USP6: variants seen among roughly 807,000 people sequenced by gnomAD.
USP6 encodes the protein ubiquitin specific peptidase 6.
Under a neutral mutation model 175.7 loss-of-function variants are expected in USP6, and 128 were observed. That is an observed-to-expected ratio of 0.73 (90% CI 0.63 to 0.84). USP6 has a LOEUF of 0.84. Ranked by LOEUF, USP6 falls within the 40% of genes least tolerant of loss-of-function variation. The pLI, the probability that USP6 is intolerant of heterozygous loss-of-function variation, is 0.00. For synonymous variants in USP6, 562 were observed against 630.6 expected (o/e 0.89, Z 1.63); for missense variants, 1,498 against 1,760.3 (o/e 0.85, Z 2.67).
At chr17:5,133,078 T>G (rs558273240) in intron 13 of USP6, 88 bp downstream of exon 13, 1 of 1,478,472 alleles carries the variant, frequency 6.8e-7, no homozygotes, top group East Asian at 2.3e-5. Flanking sequence ...ACCGTCAGCC[T>G]CTCAGAGGGC....
chr17:5,137,934 C>T (rs1221851581), intron 20 of USP6, among the ~76,000 whole-genome samples, 184 bp downstream of exon 20: 1 of 152,090 alleles, frequency 6.6e-6, no homozygotes, highest in Non-Finnish European at 1.5e-5. Context: ...AGATGAAAGT[C>T]GAGAGTGTGG....
chr17:5,120,244 T>G (rs1295431830), intron 2 of USP6, among the ~76,000 whole-genome samples: 2 of 152,016 alleles, frequency 1.3e-5, no homozygotes, highest in Non-Finnish European at 2.9e-5. Context: ...GGTTGCTCTC[T>G]GCATGCCTGT....
chr17:5,146,199 T>G (rs750362139), intron 28 of USP6, 25 bp downstream of exon 28: 40 of 1,569,606 alleles, frequency 2.5e-5, no homozygotes, highest in Non-Finnish European at 3.4e-5. Flanking sequence ...TCTAAGAAAC[T>G]TTTGATTCTA....
intron 29 of USP6, among the ~76,000 whole-genome samples, chr17:5,148,283 G>A (rs2073667008): frequency 6.6e-6 from 1 of 152,184 alleles, no homozygotes; most frequent in Non-Finnish European, 1.5e-5. Flanking sequence ...CTGTTTGTGT[G>A]CTACAACATG....
chr17:5,171,871 T>C (rs1567817903), intron 37 of USP6, among the ~76,000 whole-genome samples, 192 bp downstream of exon 37: 1 of 152,054 alleles, frequency 6.6e-6, no homozygotes, highest in African/African-American at 2.4e-5. Flanking sequence ...TGAGGAAAAA[T>C]AAAGAGTTAG....
chr17:5,162,293 A>T (rs987883669), intron 32 of USP6, among the ~76,000 whole-genome samples: 2 of 151,994 alleles, frequency 1.3e-5, no homozygotes, highest in African/African-American at 4.8e-5. Flanking sequence ...CTGGGACTAC[A>T]GTTGCACACC....
Position 5,139,356 on chromosome 17 carries a change from G to C in USP6, c.1180G>C (p.Ala394Pro), listed in dbSNP as rs748046153. The C allele has an allele frequency of 3.1e-6, 5 of 1,612,948 alleles. 1 individual carries two copies. The South Asian group carries it at 3.3e-5, about 11-fold the overall frequency. ...TAGGCAGGCCCCTCCAGGCCCACCA[G>C]CCCAGTTCCAGCGGCCCATTTGCTC... Reference protein sequence around the residue: ...GYRQAPPGPPAQFQRPICSAS... With the variant: ...GYRQAPPGPPPQFQRPICSAS... The change falls in exon 22 of 38, where the codon GCC becomes CCC. Residue 394 changes from alanine to proline, a missense_variant. Transcript: ENST00000574788.
chr17:5,135,849 G>T lies in USP6; in HGVS notation c.585G>T (p.Leu195Phe). 6.3e-7 allele frequency: 1 copy of T among 1,599,298 alleles called. No homozygotes were observed. The highest frequency in any genetic ancestry group is 1.3e-5 in the African/African-American group (1 of 74,970). Residue 195 changes from leucine (L) to phenylalanine (F), a missense_variant, in exon 17 of 38, where the codon TTG becomes TTT. This residue lies in a region of USP6 where 281 missense variants were observed against 259.6 expected (regional missense o/e 1.08). Transcript: ENST00000574788. ...GGGACCTGAGCCACATCACCGCCTT[G>T]TTCCTCCTTTATCTGCCTGAGGAGG... ...YCRDLSHITA[L>F]FLLYLPEEDA... is the part of the protein sequence containing the mutation.
chr17:5,119,794 CAGCTG>C (rs1262798152), intron 2 of USP6, among the ~76,000 whole-genome samples: 1 of 152,192 alleles, frequency 6.6e-6, no homozygotes, highest in African/African-American at 2.4e-5. Flanking sequence ...GCCATCATCT[CAGCTG>C]ATAAACAGCT....
intron 25 of USP6, among the ~76,000 whole-genome samples, chr17:5,143,305 A>G (rs1410579827): frequency 6.6e-6 from 1 of 152,252 alleles, no homozygotes; most frequent in Non-Finnish European, 1.5e-5. Flanking sequence ...GGTTTTGTGG[A>G]ATAGAAAAGG....
Position 5,129,055 on chromosome 17 carries a change from C to T in USP6, c.-234C>T, listed in dbSNP as rs2072979675. 6.6e-6 allele frequency: 1 copy of T among 152,534 alleles called. No homozygotes were observed. The highest frequency in any genetic ancestry group is 1.5e-5 in the Non-Finnish European group (1 of 68,060). The allele number at this position is 152,534 out of a possible 1,614,324, so 9.4% of individuals were successfully genotyped here. ...TCACCGGGCGCCCGTTCTACACTGCCCATGTAGACGATTTTCTCTTTCGTC... is the reference window on the plus strand; with the variant it reads ...TCACCGGGCGCCCGTTCTACACTGCTCATGTAGACGATTTTCTCTTTCGTC... On this transcript the variant is annotated 5_prime_UTR_variant, in exon 8 of 38. Transcript: ENST00000574788.
intron 35 of USP6, among the ~76,000 whole-genome samples, chr17:5,169,955 G>A (rs2074177441): frequency 6.6e-6 from 1 of 152,070 alleles, no homozygotes; most frequent in African/African-American, 2.4e-5. Context: ...AAGTTCTAAA[G>A]GTTCTCAATA....
At chr17:5,136,557 C>T in intron 17 of USP6, 83 bp from the exon 18 acceptor site, 1 of 1,543,990 alleles carries the variant, frequency 6.5e-7, no homozygotes, top group Non-Finnish European at 8.9e-7. Flanking sequence ...TTGGGGGCCT[C>T]TGCAGCTGCC....
At position 5,145,547 on chromosome 17, in the gene USP6, C is replaced by A; in HGVS notation, c.2135C>A (p.Pro712Gln). ...DPFNFLSLPL[P>Q]MDSYMDLEIT... Reference sequence around the variant, plus strand: ...TTCAATTTTTTGTCTTTGCCACTACCAATGGACAGTTACATGGACTTAGAA... The same window carrying A: ...TTCAATTTTTTGTCTTTGCCACTACAAATGGACAGTTACATGGACTTAGAA... Residue 712 changes from proline (P) to glutamine (Q), a missense_variant, in exon 27 of 38, where the codon CCA becomes CAA. Around this residue, in one of 2 missense-constraint regions of USP6, gnomAD observed 1,217 missense variants for 1,500.8 expected, o/e 0.81. Coordinates refer to ENST00000574788, the MANE Select transcript of USP6 (RefSeq NM_001304284.2). 6.2e-7 allele frequency: 1 copy of A among 1,610,208 alleles called. No individual in the cohort carries two copies.
At chr17:5,133,047 C>T (rs2073127639) in intron 13 of USP6, 57 bp downstream of exon 13, 5 of 1,588,466 alleles carry the variant, frequency 3.1e-6, no homozygotes, top group Admixed American at 3.4e-5. Flanking sequence ...AGGGGACAGG[C>T]ACCCATGGCT....
In USP6 at chr17:5,170,868, A is replaced by G. The variant is rs137941648; in HGVS notation, c.3907A>G (p.Arg1303Gly). The change falls in exon 36 of 38, where the codon AGA becomes GGA. Residue 1303 changes from arginine (R) to glycine (G), a missense_variant. Coordinates refer to ENST00000574788, the MANE Select transcript of USP6 (RefSeq NM_001304284.2). ...TGAAGAAGACAGCACTGATGACCAA[A>G]GAGAAGACACTCATATTAAGCCTAT... ...HSEEDSTDDQ[R>G]EDTHIKPIYN... The G allele has an allele frequency of 2.9e-3, 4,611 of 1,612,626 alleles. 131 individuals are homozygous for G. In the African/African-American group the frequency reaches 0.054, roughly 19 times the overall value.
Position 5,121,454 on chromosome 17 carries a change from C to T in USP6, c.-1595C>T, listed in dbSNP as rs1446725216. On this transcript the variant is annotated 5_prime_UTR_variant, in exon 4 of 38. Coordinates refer to ENST00000574788, the MANE Select transcript of USP6 (RefSeq NM_001304284.2). ...AGGATAGAGATATGGAGCTCTACAT[C>T]TCTGTGCAGAACCTGAGCCATCCCA... 3 of 284,414 alleles carry T rather than the reference C, an allele frequency of 1.1e-5. No individual in the cohort carries two copies. Among genetic ancestry groups the T allele is most frequent in the Admixed American group, 4.8e-5 (1 of 20,978 alleles). 17.6% of individuals were successfully genotyped at this position (284,414 alleles called of 1,614,324 possible).
intron 22 of USP6, among the ~76,000 whole-genome samples, chr17:5,140,847 C>T (rs1456131604): frequency 1.3e-5 from 2 of 152,304 alleles, no homozygotes; most frequent in African/African-American, 4.8e-5. Flanking sequence ...CAAACTTATA[C>T]AGTCAATGAG....
rs112535664 is a variant in USP6 at position 5,133,485 on chromosome 17, G to T, written c.319G>T (p.Gly107Cys). The part of the protein sequence containing the change: ...VYKGIPMNIR[G>C]PVWSVLLNIQ... ...CAAGGGAATTCCCATGAACATCCGG[G>T]GCCCGGTGTGGTCAGTCCTCCTGAA... Residue 107 changes from glycine (G) to cysteine (C), a missense_variant, in exon 14 of 38, where the codon GGC (glycine) becomes TGC (cysteine). This residue lies in a region of USP6 where 281 missense variants were observed against 259.6 expected (regional missense o/e 1.08). Transcript: ENST00000574788. The T allele has an allele frequency of 1.3e-3, 2,074 of 1,611,752 alleles. 2 individuals carry two copies. Among genetic ancestry groups the T allele is most frequent in the Non-Finnish European group, 1.5e-3 (1,811 of 1,179,700 alleles).
Sources: gnomAD v4.1 joint callset for allele counts (sites outside exome capture counted in the v4.1 genomes callset) on GRCh38, gnomAD v4.1.1 for gene constraint, gnomAD v4.1.1 regional missense constraint, MANE v1.5 for transcripts, NCBI Gene and HGNC (gene_info 2026-07-23, HGNC 2026-07-21) for gene names.